The following DAPK1 variants were observed in gnomAD, a reference collection of about 807,000 sequenced individuals.
DAPK1 encodes the protein death associated protein kinase 1.
Under a neutral mutation model 144.9 loss-of-function variants are expected in DAPK1, and 56 were observed. That is an observed-to-expected ratio of 0.39 (90% CI 0.31 to 0.48). The LOEUF is 0.48. Among genes scored for constraint, DAPK1 ranks in the 20% least tolerant of loss-of-function variants. The pLI, the probability that DAPK1 is intolerant of heterozygous loss-of-function variation, is 0.95. For synonymous variants in DAPK1, 690 were observed against 749.0 expected (o/e 0.92, Z 1.29); for missense variants, 1,454 against 1,875.4 (o/e 0.78, Z 4.15).
intron 2 of DAPK1, among the ~76,000 whole-genome samples, chr9:87,522,614 A>T (rs871497): frequency 0.6 from 90,981 of 151,796 alleles, 27,632 homozygotes; most frequent in Middle Eastern, 0.71. Context: ...ATGATTGCTG[A>T]TGTACAAAAT....
chr9:87,617,163 C>T (rs1829125984), intron 3 of DAPK1, among the ~76,000 whole-genome samples: 1 of 152,240 alleles, frequency 6.6e-6, no homozygotes, highest in African/African-American at 2.4e-5. Context: ...TCCATTTGAT[C>T]TCATGCCCTC....
intron 3 of DAPK1, among the ~76,000 whole-genome samples, chr9:87,614,534 A>G (rs567217854): frequency 6.6e-6 from 1 of 152,268 alleles, no homozygotes; most frequent in African/African-American, 2.4e-5. Context: ...CAGGTCCTGC[A>G]AATTGTTCAT....
intron 2 of DAPK1, among the ~76,000 whole-genome samples, chr9:87,517,469 T>G (rs1650567825): frequency 6.6e-6 from 1 of 152,126 alleles, no homozygotes; most frequent in Admixed American, 6.5e-5. Context: ...GTGCCCATCT[T>G]TCCTAGATTG....
chr9:87,556,327 G>T (rs1470218412), intron 2 of DAPK1, among the ~76,000 whole-genome samples: 2 of 152,224 alleles, frequency 1.3e-5, no homozygotes, highest in African/African-American at 4.8e-5. Flanking sequence ...GAGAGGCAAG[G>T]TACTTTGCCC....
In DAPK1 at chr9:87,509,199, G is replaced by A. The variant is rs547540159; in HGVS notation, c.62+10060G>A. Among the ~76,000 whole-genome samples the A allele has an allele frequency of 1.8e-4, 28 of 152,284 alleles. No individual in the cohort carries two copies. In the East Asian group the frequency reaches 4.8e-3, roughly 26 times the overall value. The stretch of plus-strand genomic sequence containing the variant: ...ATCCTGTAGAGAACAGACTTTTAAT[G>A]GGTGCTGCTCATGTTGGAGATGCTG... On this transcript the variant is annotated intron_variant, in intron 2 of 25. Transcript: ENST00000408954.
chr9:87,569,393 T>C (rs2118730070), intron 2 of DAPK1, among the ~76,000 whole-genome samples: 1 of 152,336 alleles, frequency 6.6e-6, no homozygotes, highest in Admixed American at 6.5e-5. Context: ...AAGCTCTACC[T>C]CCAGCGAGAC....
intron 3 of DAPK1, among the ~76,000 whole-genome samples, chr9:87,606,825 C>T (rs1272836082): frequency 6.9e-6 from 1 of 145,330 alleles, no homozygotes; most frequent in Non-Finnish European, 1.5e-5. Flanking sequence ...TTCCTTCCTC[C>T]CTTTCTCCCC....
At chr9:87,550,276 C>T (rs1290584922) in intron 2 of DAPK1, among the ~76,000 whole-genome samples, 1 of 152,190 alleles carries the variant, frequency 6.6e-6, no homozygotes, top group Non-Finnish European at 1.5e-5. Context: ...GGATGAGATC[C>T]TAGAATGTGT....
At chr9:87,609,245 G>T (rs1015478050) in intron 3 of DAPK1, among the ~76,000 whole-genome samples, 2 of 152,206 alleles carry the variant, frequency 1.3e-5, no homozygotes, top group African/African-American at 2.4e-5. Flanking sequence ...CTACTGAGTT[G>T]CCAGCTTGCC....
At chr9:87,590,412 C>CTAAAAGGG (rs113480926) in intron 2 of DAPK1, among the ~76,000 whole-genome samples, 14,741 of 149,668 alleles carry the variant, frequency 0.098, 1,349 homozygotes, top group African/African-American at 0.24. Context: ...AAAAAGGAAG[C>CTAAAAGGG]TAAAAGGGTT....
intron 2 of DAPK1, among the ~76,000 whole-genome samples, chr9:87,557,683 A>G (rs1313258828): frequency 6.6e-6 from 1 of 152,182 alleles, no homozygotes. Context: ...GCTTATGCTT[A>G]TAATCACAGC....
chr9:87,693,505 A>C (rs909422353), intron 21 of DAPK1, among the ~76,000 whole-genome samples: 1 of 151,918 alleles, frequency 6.6e-6, no homozygotes, highest in African/African-American at 2.4e-5. Flanking sequence ...ATTCTCTTGT[A>C]CCTCACTGAA....
intron 24 of DAPK1, 91 bp from the exon 25 acceptor site, chr9:87,702,938 G>A (rs1348845482): frequency 9.2e-6 from 6 of 650,684 alleles, no homozygotes; most frequent in South Asian, 2.0e-5. Flanking sequence ...CCTGCAAGGC[G>A]CCTGAATGAA....
intron 3 of DAPK1, among the ~76,000 whole-genome samples, chr9:87,626,811 A>T (rs1016257567): frequency 6.6e-6 from 1 of 152,244 alleles, no homozygotes; most frequent in Non-Finnish European, 1.5e-5. Flanking sequence ...CAAATTGCAG[A>T]TTGATGCATA....
At position 87,707,543 on chromosome 9, in the gene DAPK1, C is replaced by G. The variant is rs554665886; in HGVS notation, c.*179C>G. 9 of 597,760 alleles carry G rather than the reference C, an allele frequency of 1.5e-5. No individual in the cohort carries two copies. Among genetic ancestry groups the G allele is most frequent in the Admixed American group, 8.9e-5 (3 of 33,730 alleles). The allele number at this position is 597,760 out of a possible 1,614,324, so 37.0% of individuals were successfully genotyped here. ...CCGCTACCTCCCTCCCCGTCTCATT[C>G]CGTTGTCTGTGGATGGTCATTGCAG... On this transcript the variant is annotated 3_prime_UTR_variant, in exon 26 of 26. Transcript: ENST00000408954. The surrounding 1 kb of genome is among the most constrained non-coding windows in gnomAD (Gnocchi z 4.0).
intron 13 of DAPK1, among the ~76,000 whole-genome samples, chr9:87,647,044 G>A (rs1169856345): frequency 2.6e-5 from 4 of 151,840 alleles, no homozygotes; most frequent in African/African-American, 9.7e-5. Context: ...AATCATTTTT[G>A]ATTTACAAAA....
intron 2 of DAPK1, among the ~76,000 whole-genome samples, chr9:87,546,406 C>A (rs1826251903): frequency 6.6e-6 from 1 of 152,110 alleles, no homozygotes; most frequent in East Asian, 1.9e-4. Context: ...TAGATACTGT[C>A]CCTGGTTGCC....
In DAPK1 at chr9:87,571,498, A is replaced by ACACACACACACACACAC. The variant is rs1554684284; in HGVS notation, c.63-33456_63-33455insCACACACACACACACAC. 4.1e-3 allele frequency among the ~76,000 whole-genome samples: 191 copies of ACACACACACACACACAC among 46,482 alleles called. 7 individuals carry two copies. The highest frequency in any genetic ancestry group is 5.4e-3 in the Admixed American group (19 of 3,550). 30.5% of individuals were successfully genotyped at this position (46,482 alleles called of 152,430 possible). A position where few individuals can be genotyped will look rare whatever the true frequency, so the allele number is the denominator to read the frequency against. On this transcript the variant is annotated intron_variant, in intron 2 of 25. Coordinates refer to ENST00000408954, the MANE Select transcript of DAPK1 (RefSeq NM_004938.4). Reference sequence around the variant, plus strand: ...ACCAACACACACACACACACACCCCAACACACACACACACACACACACACA... The same window carrying ACACACACACACACACAC: ...ACCAACACACACACACACACACCCCACACACACACACACACACACACACACACACACACACACACACA...
At chr9:87,523,025 G>A (rs548124022) in intron 2 of DAPK1, among the ~76,000 whole-genome samples, 4 of 152,082 alleles carry the variant, frequency 2.6e-5, no homozygotes, top group Admixed American at 2.6e-4. Context: ...TCTCTAGGTT[G>A]TCATTTGTCT....
Sources: allele counts gnomAD v4.1 joint callset (sites outside exome capture counted in the v4.1 genomes callset), GRCh38; gene constraint gnomAD v4.1.1; non-coding constraint Gnocchi (gnomAD v3.1); transcripts MANE v1.5; gene names NCBI Gene and HGNC (gene_info 2026-07-23, HGNC 2026-07-21).